FRMD5: variants seen among roughly 807,000 people sequenced by gnomAD.
FRMD5 encodes FERM domain-containing protein 5.
In FRMD5, 20 loss-of-function variants were observed where a neutral mutation model predicts 69.0. That is an observed-to-expected ratio of 0.29 (90% CI 0.20 to 0.42). The LOEUF (loss-of-function observed/expected upper bound fraction) is 0.42, where lower values mean the gene tolerates loss of function less well. FRMD5 is among the 10% of genes least tolerant of loss of function. The pLI, the probability that FRMD5 is intolerant of heterozygous loss-of-function variation, is 1.00. For synonymous variants in FRMD5, 271 were observed against 260.1 expected, an observed-to-expected ratio of 1.04 and a Z score of -0.40; for missense variants, 595 against 708.6, an observed-to-expected ratio of 0.84 and a Z score of 1.82.
chr15:43,948,710 T>G (rs1295518127), intron 1 of FRMD5, among the ~76,000 whole-genome samples: 1 of 152,218 alleles, frequency 6.6e-6, no homozygotes, highest in Non-Finnish European at 1.5e-5. Context: ...TTTCAGGTTC[T>G]ATTTATATGC....
At chr15:44,012,734 C>T (rs1006623533) in intron 1 of FRMD5, among the ~76,000 whole-genome samples, 5 of 145,870 alleles carry the variant, frequency 3.4e-5, no homozygotes, top group Non-Finnish European at 7.5e-5. Flanking sequence ...TCACCTAAAA[C>T]ATTATTGGTT....
intron 1 of FRMD5, among the ~76,000 whole-genome samples, chr15:43,968,089 T>C (rs1205813420): frequency 6.6e-6 from 1 of 152,094 alleles, no homozygotes; most frequent in African/African-American, 2.4e-5. Context: ...TCATCATTTT[T>C]AGTTTTTTCA....
At chr15:44,018,216 T>C (rs771042517) in intron 1 of FRMD5, among the ~76,000 whole-genome samples, 3 of 152,162 alleles carry the variant, frequency 2.0e-5, no homozygotes, top group African/African-American at 4.8e-5. Flanking sequence ...CAAATAAACT[T>C]CAAAAAGCAC....
intron 1 of FRMD5, among the ~76,000 whole-genome samples, chr15:44,076,033 T>C: frequency 6.6e-6 from 1 of 152,164 alleles, no homozygotes; most frequent in Non-Finnish European, 1.5e-5. Flanking sequence ...TCTTGTAAAT[T>C]TGTTTGAGTT....
rs550731942 is a variant in FRMD5, at chr15:44,004,584, C to T, written c.103-80275G>A. Among the ~76,000 whole-genome samples, 7 of 152,284 alleles carry T rather than the reference C, an allele frequency of 4.6e-5. No individual in the cohort carries two copies. The South Asian group carries it at 1.5e-3, about 32-fold the overall frequency. ...TTGCTTTGGGGCACCATAAGCCATG[C>T]CCATAGAAGATGGCAAACTTAACAA... On this transcript the variant is annotated intron_variant, in intron 1 of 13. Transcript: ENST00000417257.
intron 1 of FRMD5, among the ~76,000 whole-genome samples, chr15:43,999,522 T>C (rs1660098566): frequency 6.6e-6 from 1 of 152,184 alleles, no homozygotes; most frequent in Admixed American, 6.5e-5. Flanking sequence ...GTCACCATGC[T>C]GTATATTCGG....
chr15:43,909,427 A>T (rs1297093475), intron 5 of FRMD5, among the ~76,000 whole-genome samples: 3 of 151,590 alleles, frequency 2.0e-5, no homozygotes, highest in Non-Finnish European at 2.9e-5. Context: ...ACAAACAAAA[A>T]AAACTCTCTA....
At position 44,173,879 on chromosome 15, in the gene FRMD5, T is replaced by C. The variant is rs180685877; in HGVS notation, c.102+21074A>G. On this transcript the variant is annotated intron_variant, in intron 1 of 13. Coordinates refer to ENST00000417257, the MANE Select transcript of FRMD5 (RefSeq NM_032892.5). ...AAGATGATTATTAGTAATAAAACTA[T>C]AGCTAAATAGCACTAAAATGTATAA... Among the ~76,000 whole-genome samples, 631 of 152,270 alleles carry C rather than the reference T, an allele frequency of 4.1e-3. 4 individuals are homozygous for C. Among genetic ancestry groups the C allele is most frequent in the Non-Finnish European group, 5.7e-3 (391 of 68,024 alleles).
At chr15:44,156,676 C>T (rs1350757788) in intron 1 of FRMD5, among the ~76,000 whole-genome samples, 1 of 152,122 alleles carries the variant, frequency 6.6e-6, no homozygotes, top group Non-Finnish European at 1.5e-5. Context: ...TGCTTATGAA[C>T]ATAAATCTCA....
chr15:44,129,345 G>A (rs2077067131), intron 1 of FRMD5, among the ~76,000 whole-genome samples: 1 of 152,098 alleles, frequency 6.6e-6, no homozygotes, highest in Non-Finnish European at 1.5e-5. Flanking sequence ...TTATAAGTCA[G>A]ATTCTAGAAT....
chr15:43,978,160 A>G (rs1779714691), intron 1 of FRMD5, among the ~76,000 whole-genome samples: 2 of 152,150 alleles, frequency 1.3e-5, no homozygotes, highest in African/African-American at 4.8e-5. Context: ...CTTCTCTCTC[A>G]CTTCCTTCCT....
At chr15:44,182,064 C>T (rs1339181167) in intron 1 of FRMD5, among the ~76,000 whole-genome samples, 1 of 147,714 alleles carries the variant, frequency 6.8e-6, no homozygotes, top group Non-Finnish European at 1.5e-5. Context: ...AGGCTGAAGT[C>T]TAGTGGTGCG....
rs1595463592 is a variant in FRMD5, at chr15:43,873,350, A to G, written c.*535T>C. The G allele has an allele frequency of 6.8e-7, 1 of 1,476,496 alleles. No homozygotes were observed. The highest frequency in any genetic ancestry group is 2.5e-5 in the East Asian group (1 of 40,388). The allele number at this position is 1,476,496 out of a possible 1,614,324, so 91.5% of individuals were successfully genotyped here. On this transcript the variant is annotated 3_prime_UTR_variant, in exon 14 of 14. Transcript: ENST00000417257. ...AAAGTTCTGGCTGGCAAAAAAAACA[A>G]ACAAAAAACTAAACAGTCCCCATTG...
rs1005160862 is a variant in FRMD5, at chr15:43,873,230, G to T, written c.*655C>A. ...TCCCTTCAGATGCCCACTCTGCTCA[G>T]ATTTGAAAAAACAAAAGGAAAAGAA... On this transcript the variant is annotated 3_prime_UTR_variant, in exon 14 of 14. Transcript: ENST00000417257. The T allele has an allele frequency of 1.9e-6, 3 of 1,548,240 alleles. No homozygotes were observed. In the South Asian group the frequency reaches 3.6e-5, roughly 19 times the overall value.
intron 1 of FRMD5, among the ~76,000 whole-genome samples, chr15:44,086,032 A>G (rs1173042743): frequency 6.6e-6 from 1 of 152,170 alleles, no homozygotes; most frequent in African/African-American, 2.4e-5. Context: ...TAATTTTAAA[A>G]GGTAGAACCA....
intron 1 of FRMD5, among the ~76,000 whole-genome samples, chr15:44,123,536 A>G (rs1177037294): frequency 1.3e-5 from 2 of 152,176 alleles, no homozygotes; most frequent in Non-Finnish European, 2.9e-5. Flanking sequence ...TTATTTATAT[A>G]CCTAGCTTGT....
At chr15:44,063,473 A>G (rs1053732061) in intron 1 of FRMD5, 6 of 242,488 alleles carry the variant, frequency 2.5e-5, no homozygotes, top group African/African-American at 4.6e-5. Context: ...TGACAACAGC[A>G]TCTTCTTGTG....
intron 1 of FRMD5, among the ~76,000 whole-genome samples, chr15:44,041,790 G>C (rs1391171872): frequency 2.0e-5 from 3 of 152,128 alleles, no homozygotes; most frequent in African/African-American, 7.2e-5. Context: ...AGGGTGTAGA[G>C]GGAAATTTAT....
intron 1 of FRMD5, among the ~76,000 whole-genome samples, chr15:44,041,023 A>AAAAAAAAAAAAAAAAAAAAAC (rs1892165152): frequency 9.9e-6 from 1 of 101,074 alleles, no homozygotes; most frequent in African/African-American, 3.3e-5. Context: ...AAAAAAAAAA[A>AAAAAAAAAAAAAAAAAAAAAC]AAAAAAAAAA....
Sources: gnomAD v4.1 joint callset for allele counts (sites outside exome capture counted in the v4.1 genomes callset) on GRCh38, gnomAD v4.1.1 for gene constraint, MANE v1.5 for transcripts, NCBI Gene and HGNC (gene_info 2026-07-23, HGNC 2026-07-21) for gene names.